The following SLC22A23 variants were observed in gnomAD, a reference collection of about 807,000 sequenced individuals.
SLC22A23 encodes solute carrier family 22 member 23.
Under a neutral mutation model 61.0 loss-of-function variants are expected in SLC22A23, and 26 were observed. The ratio of observed to expected loss-of-function variants is 0.43; its 90% CI spans 0.31 to 0.59. SLC22A23 has a LOEUF of 0.59. Among genes scored for constraint, SLC22A23 ranks in the 20% least tolerant of loss-of-function variants. SLC22A23 has a pLI of 0.11. For missense variants in SLC22A23, 796 were observed against 934.7 expected (o/e 0.85, Z 1.94); for synonymous variants, 430 against 413.9 (o/e 1.04, Z -0.47).
intron 5 of SLC22A23, among the ~76,000 whole-genome samples, chr6:3,294,508 G>A (rs1026264512): frequency 6.6e-6 from 1 of 152,124 alleles, no homozygotes; most frequent in Non-Finnish European, 1.5e-5. Flanking sequence ...TTCTGGTCCC[G>A]AGCATTCTGG....
chr6:3,324,360 G>A lies in SLC22A23; in HGVS notation c.914-358C>T, dbSNP rs1157967576. Among the ~76,000 whole-genome samples the A allele has an allele frequency of 2.6e-5, 4 of 152,158 alleles. No homozygotes were observed. Among genetic ancestry groups the A allele is most frequent in the African/African-American group, 4.8e-5 (2 of 41,424 alleles). The stretch of plus-strand genomic sequence containing the variant: ...CGTCACTGAGCTTGCTGTCCAGCAC[G>A]TTCCCCCCTCGTGCCCATCCTGTCG... On this transcript the variant is annotated intron_variant, in intron 3 of 9. Coordinates refer to ENST00000406686, the MANE Select transcript of SLC22A23 (RefSeq NM_015482.2). This position sits in a 1 kb window ranked among gnomAD's most constrained non-coding sequence, Gnocchi z 4.3.
chr6:3,279,868 G>C (rs1759277311), intron 9 of SLC22A23, among the ~76,000 whole-genome samples: 1 of 152,086 alleles, frequency 6.6e-6, no homozygotes, highest in Admixed American at 6.6e-5. Context: ...TATTTTACTA[G>C]CAATAGGATC....
chr6:3,285,250 G>A, intron 7 of SLC22A23, 139 bp from the exon 8 acceptor site: 1 of 1,198,418 alleles, frequency 8.3e-7, no homozygotes, highest in Admixed American at 2.1e-5. Context: ...CCGTGTCTGG[G>A]ATGGCGCTGG....
intron 3 of SLC22A23, among the ~76,000 whole-genome samples, chr6:3,375,435 T>TA (rs1183749860): frequency 3.3e-5 from 5 of 152,224 alleles, no homozygotes; most frequent in Admixed American, 3.3e-4. Context: ...TCAGCACAGT[T>TA]ATGCGTCCAA....
At chr6:3,409,916 G>T (rs1402380178) in intron 3 of SLC22A23, among the ~76,000 whole-genome samples, 1 of 152,142 alleles carries the variant, frequency 6.6e-6, no homozygotes, top group Non-Finnish European at 1.5e-5. Context: ...TCCATATCAG[G>T]AAAGAACCGA....
At chr6:3,413,080 G>T (rs1769383411) in intron 2 of SLC22A23, among the ~76,000 whole-genome samples, 1 of 152,152 alleles carries the variant, frequency 6.6e-6, no homozygotes. Flanking sequence ...CCGACACAGG[G>T]TCTCAACAGG....
rs916877827 is a variant in SLC22A23 at position 3,386,369 on chromosome 6, C to G, written c.913+23819G>C. Among the ~76,000 whole-genome samples, 1 of 152,182 alleles carries G rather than the reference C, an allele frequency of 6.6e-6. No homozygotes were observed. The highest frequency in any genetic ancestry group is 2.4e-5 in the African/African-American group (1 of 41,444). On this transcript the variant is annotated intron_variant, in intron 3 of 9. Transcript: ENST00000406686. The surrounding 1 kb of genome is among the most constrained non-coding windows in gnomAD (Gnocchi z 4.4). ...GGAGAGCGAAGGAGAAGGGAGAGCA[C>G]GCTTGCTCTGTGTACGCCACACGCA... is the stretch of plus-strand genomic sequence containing the variant.
rs1031874107 is a variant in SLC22A23, at chr6:3,360,046, G to T, written c.914-36044C>A. On this transcript the variant is annotated intron_variant, in intron 3 of 9. Coordinates refer to ENST00000406686, the MANE Select transcript of SLC22A23 (RefSeq NM_015482.2). This position sits in a 1 kb window ranked among gnomAD's most constrained non-coding sequence, Gnocchi z 4.6. ...AAATATTGCATGATCCACTTAAATA[G>T]GTTCTTAGGTAGGCAAATTCATAGA... Among the ~76,000 whole-genome samples the T allele has an allele frequency of 1.3e-5, 2 of 152,122 alleles. No homozygotes were observed. The highest frequency in any genetic ancestry group is 1.5e-5 in the Non-Finnish European group (1 of 68,012).
intron 6 of SLC22A23, among the ~76,000 whole-genome samples, chr6:3,288,989 T>C (rs1211021226): frequency 6.6e-6 from 1 of 152,274 alleles, no homozygotes; most frequent in East Asian, 1.9e-4. Context: ...GCCCTCACCC[T>C]GGGCCTGTCT....
chr6:3,357,256 C>G (rs1470581264), intron 3 of SLC22A23, among the ~76,000 whole-genome samples: 1 of 152,164 alleles, frequency 6.6e-6, no homozygotes, highest in African/African-American at 2.4e-5. Context: ...CACTGTAAAA[C>G]TCCCAGTGCA....
intron 1 of SLC22A23, among the ~76,000 whole-genome samples, chr6:3,428,222 T>G (rs1305079594): frequency 6.6e-6 from 1 of 152,210 alleles, no homozygotes; most frequent in African/African-American, 2.4e-5. Context: ...GCTGCCCAAG[T>G]CGCGGCCCTC....
rs1445583903 is a variant in SLC22A23 at position 3,330,129 on chromosome 6, G to A, written c.914-6127C>T. Among the ~76,000 whole-genome samples the A allele has an allele frequency of 3.3e-5, 5 of 152,146 alleles. No homozygotes were observed. Among genetic ancestry groups the A allele is most frequent in the Admixed American group, 1.3e-4 (2 of 15,276 alleles). On this transcript the variant is annotated intron_variant, in intron 3 of 9. Transcript: ENST00000406686. The surrounding 1 kb of genome is among the most constrained non-coding windows in gnomAD (Gnocchi z 4.7). ...TCAAAGAGGCCACTTCTCCAAACCC[G>A]CTGTCCTTACAAGTGGATCACCCCT...
intron 9 of SLC22A23, among the ~76,000 whole-genome samples, chr6:3,279,248 T>C (rs1047166436): frequency 1.3e-5 from 2 of 151,954 alleles, no homozygotes; most frequent in African/African-American, 4.8e-5. Flanking sequence ...TGGTGGCTCA[T>C]GTGCCTGTAA....
At chr6:3,379,989 A>G (rs764829781) in intron 3 of SLC22A23, among the ~76,000 whole-genome samples, 1 of 152,158 alleles carries the variant, frequency 6.6e-6, no homozygotes, top group Non-Finnish European at 1.5e-5. Context: ...ACGTGCGTGC[A>G]TCTGTACACA....
chr6:3,307,843 A>G (rs1182109955), intron 4 of SLC22A23, among the ~76,000 whole-genome samples: 1 of 152,248 alleles, frequency 6.6e-6, no homozygotes, highest in Non-Finnish European at 1.5e-5. Flanking sequence ...GATTCCATCA[A>G]TGGATGAATG....
At chr6:3,446,505 C>G (rs2127555943) in intron 1 of SLC22A23, among the ~76,000 whole-genome samples, 1 of 152,328 alleles carries the variant, frequency 6.6e-6, no homozygotes, top group African/African-American at 2.4e-5. Context: ...TTAGCATCCT[C>G]CCTTGTTGAG....
intron 1 of SLC22A23, among the ~76,000 whole-genome samples, chr6:3,445,594 C>T (rs9328175): frequency 0.75 from 113,915 of 152,038 alleles, 43,069 homozygotes; most frequent in African/African-American, 0.83. Context: ...GGGAGAGAGA[C>T]GGGCATCCTT....
chr6:3,410,540 C>A lies in SLC22A23; in HGVS notation c.759-198G>T, dbSNP rs1193924152. 1.3e-5 allele frequency among the ~76,000 whole-genome samples: 2 copies of A among 152,120 alleles called. No individual in the cohort carries two copies. Among genetic ancestry groups the A allele is most frequent in the Non-Finnish European group, 2.9e-5 (2 of 68,022 alleles). On this transcript the variant is annotated intron_variant, in intron 2 of 9. Coordinates refer to ENST00000406686, the MANE Select transcript of SLC22A23 (RefSeq NM_015482.2). This position sits in a 1 kb window ranked among gnomAD's most constrained non-coding sequence, Gnocchi z 5.0. ...GGAGATTTAGCCCAACCCCCTAATT[C>A]TCGAGATAAGGGAGCAGAGATCAAC...
chr6:3,320,955 C>T (rs926876629), intron 4 of SLC22A23, among the ~76,000 whole-genome samples: 1 of 152,196 alleles, frequency 6.6e-6, no homozygotes, highest in African/African-American at 2.4e-5. Context: ...ACATATGGCA[C>T]TAGGTGACAG....
Sources: gnomAD v4.1 joint callset for allele counts (sites outside exome capture counted in the v4.1 genomes callset) on GRCh38, gnomAD v4.1.1 for gene constraint, Gnocchi (gnomAD v3.1) non-coding constraint, MANE v1.5 for transcripts, NCBI Gene and HGNC (gene_info 2026-07-23, HGNC 2026-07-21) for gene names.